The following PLCB1 variants were observed in gnomAD, a reference collection of about 807,000 sequenced individuals.
PLCB1 encodes the protein phospholipase C beta 1, also known as 1-phosphatidylinositol 4,5-bisphosphate phosphodiesterase beta-1.
PLCB1 carries 46 observed loss-of-function variants against 161.8 expected under a neutral mutation model. That is an observed-to-expected ratio of 0.28 (90% confidence interval 0.22 to 0.36). The LOEUF (loss-of-function observed/expected upper bound fraction) is 0.36. PLCB1 is among the 10% of genes least tolerant of loss of function. The pLI is 1.00. For synonymous variants in PLCB1, 517 were observed against 503.7 expected, an observed-to-expected ratio of 1.03 and a Z score of -0.35; for missense variants, 1,016 against 1,472.5, an observed-to-expected ratio of 0.69 and a Z score of 5.07.
chr20:8,235,893 G>C (rs1216160401), intron 2 of PLCB1, among the ~76,000 whole-genome samples: 1 of 151,878 alleles, frequency 6.6e-6, no homozygotes, highest in African/African-American at 2.4e-5. Context: ...AAATCTTAAG[G>C]CGTGTATAGG....
intron 3 of PLCB1, among the ~76,000 whole-genome samples, chr20:8,457,976 T>C (rs991645251): frequency 1.3e-5 from 2 of 152,174 alleles, no homozygotes; most frequent in African/African-American, 4.8e-5. Context: ...TCAACCACTA[T>C]CAGTTGCATT....
chr20:8,537,336 G>A (rs540131797), intron 3 of PLCB1, among the ~76,000 whole-genome samples: 31 of 152,152 alleles, frequency 2.0e-4, no homozygotes, highest in Admixed American at 1.2e-3. Flanking sequence ...AATGCCCTCC[G>A]AAGGTCATAT....
chr20:8,164,523 T>C (rs2051656926), intron 2 of PLCB1, among the ~76,000 whole-genome samples: 1 of 152,220 alleles, frequency 6.6e-6, no homozygotes, highest in Non-Finnish European at 1.5e-5. Flanking sequence ...CCAGGTGCCA[T>C]TTCCATCATT....
rs1023434530 is a variant in PLCB1, at chr20:8,132,328, C to T, written c.-324C>T. 3 of 212,078 alleles carry T rather than the reference C, an allele frequency of 1.4e-5. No individual in the cohort carries two copies. Among genetic ancestry groups the T allele is most frequent in the African/African-American group, 2.3e-5 (1 of 43,256 alleles). The allele number at this position is 212,078 out of a possible 1,614,324, so 13.1% of individuals were successfully genotyped here. ...ATGGTGCGCTTTGAGGCGGCGGCGG[C>T]GGAGGAGCAGAATCCGCCGCGACTG... is the stretch of plus-strand genomic sequence containing the variant. On this transcript the variant is annotated 5_prime_UTR_variant, in exon 1 of 32. Transcript: ENST00000338037. The surrounding 1 kb of genome is among the most constrained non-coding windows in gnomAD (Gnocchi z 5.2).
intron 30 of PLCB1, 88 bp downstream of exon 30, chr20:8,789,663 G>A (rs555544856): frequency 4.0e-6 from 4 of 1,011,336 alleles, no homozygotes; most frequent in African/African-American, 3.2e-5. Context: ...GAAATGTCAT[G>A]CCTTGCCATA....
intron 9 of PLCB1, among the ~76,000 whole-genome samples, chr20:8,667,379 C>T (rs1392102869): frequency 1.3e-5 from 2 of 152,208 alleles, no homozygotes; most frequent in Non-Finnish European, 1.5e-5. Context: ...ATAGACTTCT[C>T]TGAAATATTT....
chr20:8,409,598 G>T (rs1978949072), intron 3 of PLCB1, among the ~76,000 whole-genome samples: 1 of 151,842 alleles, frequency 6.6e-6, no homozygotes, highest in East Asian at 1.9e-4. Context: ...AACTAACTGG[G>T]ATTACAGGCG....
At chr20:8,296,022 C>T (rs1983612766) in intron 2 of PLCB1, among the ~76,000 whole-genome samples, 1 of 152,076 alleles carries the variant, frequency 6.6e-6, no homozygotes, top group African/African-American at 2.4e-5. Flanking sequence ...CCAATTTTGA[C>T]TAAGTTTATG....
intron 31 of PLCB1, among the ~76,000 whole-genome samples, chr20:8,813,440 G>A (rs1459972998): frequency 6.6e-6 from 1 of 152,056 alleles, no homozygotes; most frequent in Non-Finnish European, 1.5e-5. Flanking sequence ...ACTGAGACCA[G>A]CTCTAAAGTA....
Position 8,637,716 on chromosome 20 carries a change from G to A in PLCB1, c.385-8386G>A, listed in dbSNP as rs955457454. ...GGAAAGCCATGTGGGTTATGGTGTT[G>A]GAACTGAAACAAATAATCTGATATA... On this transcript the variant is annotated intron_variant, in intron 4 of 31. Coordinates refer to ENST00000338037, the MANE Select transcript of PLCB1 (RefSeq NM_015192.4). Among the ~76,000 whole-genome samples the A allele has an allele frequency of 5.9e-5, 9 of 152,258 alleles. No individual in the cohort carries two copies. In the South Asian group the frequency reaches 1.9e-3, roughly 32 times the overall value.
chr20:8,546,482 C>T (rs537261431), intron 3 of PLCB1, among the ~76,000 whole-genome samples: 58 of 152,086 alleles, frequency 3.8e-4, no homozygotes, highest in African/African-American at 1.3e-3. Flanking sequence ...TTTAAGAGAA[C>T]ATCATGATTT....
intron 31 of PLCB1, among the ~76,000 whole-genome samples, chr20:8,797,452 C>T (rs551585060): frequency 6.6e-6 from 1 of 152,060 alleles, no homozygotes; most frequent in East Asian, 1.9e-4. Context: ...CTTTTTACTC[C>T]ATCTCCTCTG....
chr20:8,169,575 A>C (rs762130095), intron 2 of PLCB1, among the ~76,000 whole-genome samples: 2 of 152,018 alleles, frequency 1.3e-5, no homozygotes, highest in African/African-American at 2.4e-5. Flanking sequence ...TCATATTCTG[A>C]GTCTTTTTGC....
At chr20:8,410,275 G>A (rs995565864) in intron 3 of PLCB1, among the ~76,000 whole-genome samples, 3 of 152,066 alleles carry the variant, frequency 2.0e-5, no homozygotes, top group Non-Finnish European at 4.4e-5. Flanking sequence ...ACATGAGTCT[G>A]ACACAAACAC....
chr20:8,748,359 G>A (rs757641816), intron 23 of PLCB1, among the ~76,000 whole-genome samples: 34 of 152,056 alleles, frequency 2.2e-4, no homozygotes, highest in Non-Finnish European at 4.6e-4. Flanking sequence ...TAATATCAAC[G>A]GCCAATGAGT....
intron 13 of PLCB1, 115 bp downstream of exon 13, chr20:8,716,463 G>T (rs764375977): frequency 8.9e-6 from 7 of 788,780 alleles, no homozygotes; most frequent in Non-Finnish European, 1.5e-5. Context: ...TAATGCAGTT[G>T]GTGATGAAAT....
intron 1 of PLCB1, among the ~76,000 whole-genome samples, chr20:8,144,284 G>GCC (rs1434578987): frequency 6.6e-6 from 1 of 152,144 alleles, no homozygotes; most frequent in African/African-American, 2.4e-5. Flanking sequence ...CCCCCACTAA[G>GCC]CCAGGAGCAC....
intron 7 of PLCB1, 84 bp downstream of exon 7, chr20:8,649,533 T>C: frequency 1.1e-6 from 1 of 940,474 alleles, no homozygotes; most frequent in Non-Finnish European, 1.8e-6. Flanking sequence ...ATGACAGTTT[T>C]GAGAGGTAGG....
intron 2 of PLCB1, among the ~76,000 whole-genome samples, chr20:8,172,983 G>A (rs1282221186): frequency 6.6e-6 from 1 of 152,180 alleles, no homozygotes; most frequent in Non-Finnish European, 1.5e-5. Flanking sequence ...TGTCAACAGG[G>A]AAGCCCAGCA....
Sources: gnomAD v4.1 joint callset for allele counts (sites outside exome capture counted in the v4.1 genomes callset) on GRCh38, gnomAD v4.1.1 for gene constraint, Gnocchi (gnomAD v3.1) non-coding constraint, MANE v1.5 for transcripts, NCBI Gene and HGNC (gene_info 2026-07-23, HGNC 2026-07-21) for gene names.